The following MARCHF1 variants were observed in gnomAD, a reference collection of about 807,000 sequenced individuals.
MARCHF1 encodes E3 ubiquitin-protein ligase MARCHF1.
MARCHF1 carries 40 observed loss-of-function variants against 54.2 expected under a neutral mutation model. That is an observed-to-expected ratio of 0.74 (90% CI 0.57 to 0.96). The LOEUF is 0.96. Ranked by LOEUF, MARCHF1 falls within the 40% of genes least tolerant of loss-of-function variation. The pLI is 0.00. For missense variants in MARCHF1, 586 were observed against 656.5 expected (o/e 0.89, Z 1.17); for synonymous variants, 236 against 236.3 (o/e 1.00, Z 0.01).
intron 7 of MARCHF1, among the ~76,000 whole-genome samples, chr4:163,607,370 A>C (rs1741179263): frequency 6.6e-6 from 1 of 152,104 alleles, no homozygotes; most frequent in Non-Finnish European, 1.5e-5. Context: ...AAATGTCAGT[A>C]CTTTGTTGGA....
chr4:163,733,258 T>TATACATGTGTATATATACACACAC lies in MARCHF1; in HGVS notation c.112-32396_112-32395insGTGTGTGTATATATACACATGTAT, dbSNP rs1554008879. The stretch of plus-strand genomic sequence containing the variant: ...ATATATATACACGTGTATATATATA[T>TATACATGTGTATATATACACACAC]ACACACACACACACACACAGACACA... On this transcript the variant is annotated intron_variant, in intron 4 of 9. Coordinates refer to ENST00000514618, the MANE Select transcript of MARCHF1 (RefSeq NM_001394959.1). Among the ~76,000 whole-genome samples, 10 of 45,062 alleles carry TATACATGTGTATATATACACACAC rather than the reference T, an allele frequency of 2.2e-4. 2 individuals carry two copies. The highest frequency in any genetic ancestry group is 5.3e-4 in the Non-Finnish European group (10 of 18,972). 29.6% of individuals were successfully genotyped at this position (45,062 alleles called of 152,430 possible).
intron 2 of MARCHF1, among the ~76,000 whole-genome samples, chr4:164,004,923 C>T (rs1227937178): frequency 6.6e-6 from 1 of 151,564 alleles, no homozygotes; most frequent in Non-Finnish European, 1.5e-5. Flanking sequence ...ATAATATTTA[C>T]TTTAAGCAGC....
intron 1 of MARCHF1, among the ~76,000 whole-genome samples, chr4:164,150,638 T>C (rs547148806): frequency 4.3e-4 from 66 of 152,102 alleles, no homozygotes; most frequent in Non-Finnish European, 9.0e-4. Context: ...TGACCAGGAG[T>C]AAACAAAGTG....
intron 1 of MARCHF1, among the ~76,000 whole-genome samples, chr4:164,376,233 G>T (rs1476707303): frequency 1.3e-5 from 2 of 152,164 alleles, no homozygotes. Context: ...TGACCTCACA[G>T]TTACTAGAAA....
intron 4 of MARCHF1, among the ~76,000 whole-genome samples, chr4:163,821,939 A>T (rs1748704054): frequency 6.6e-6 from 1 of 152,012 alleles, no homozygotes; most frequent in South Asian, 2.1e-4. Context: ...TTTCCTCTGT[A>T]ACGTCACCTA....
intron 2 of MARCHF1, among the ~76,000 whole-genome samples, chr4:164,007,329 G>C (rs1251624220): frequency 8.4e-6 from 1 of 118,794 alleles, no homozygotes; most frequent in Admixed American, 1.1e-4. Flanking sequence ...CTGGGCGACA[G>C]AGCGAGACTC....
At chr4:164,358,695 A>C (rs1730634418) in intron 1 of MARCHF1, among the ~76,000 whole-genome samples, 1 of 152,100 alleles carries the variant, frequency 6.6e-6, no homozygotes, top group Non-Finnish European at 1.5e-5. Context: ...TAAAATCATG[A>C]GGTTGTAATT....
At chr4:163,636,178 C>A (rs566758664) in intron 5 of MARCHF1, among the ~76,000 whole-genome samples, 1 of 152,230 alleles carries the variant, frequency 6.6e-6, no homozygotes, top group East Asian at 1.9e-4. Context: ...CGTTTGAAAA[C>A]CGGCACAAGA....
intron 1 of MARCHF1, among the ~76,000 whole-genome samples, chr4:164,142,208 C>A (rs1351299811): frequency 6.6e-6 from 1 of 152,172 alleles, no homozygotes; most frequent in Non-Finnish European, 1.5e-5. Context: ...GCACAGCAGT[C>A]TGAGATCAAA....
intron 2 of MARCHF1, among the ~76,000 whole-genome samples, chr4:164,057,028 C>T (rs1400487130): frequency 6.6e-6 from 1 of 152,086 alleles, no homozygotes; most frequent in Non-Finnish European, 1.5e-5. Context: ...TGTCACACCC[C>T]AGAAAGATAA....
At chr4:163,978,164 G>T (rs1752686187) in intron 3 of MARCHF1, among the ~76,000 whole-genome samples, 2 of 152,110 alleles carry the variant, frequency 1.3e-5, no homozygotes, top group South Asian at 4.1e-4. Flanking sequence ...AACAAACATG[G>T]TCTGTTTAAG....
In MARCHF1 at chr4:164,110,640, CCATT is replaced by C. The variant is rs377724424; in HGVS notation, c.-248+944_-248+947del. On this transcript the variant is annotated intron_variant, in intron 2 of 9. Transcript: ENST00000514618. ...CCTTTTTTTCATCTAGTCGATCCCT[CCATT>C]CATTTACTATGAGGCGATACAATCA... Among the ~76,000 whole-genome samples, 420 of 151,360 alleles carry C rather than the reference CCATT, an allele frequency of 2.8e-3. 10 individuals are homozygous for C. In the East Asian group the frequency reaches 0.028, roughly 10 times the overall value.
At position 164,136,662 on chromosome 4, in the gene MARCHF1, T is replaced by G. The variant is rs147539181; in HGVS notation, c.-322-25000A>C. Among the ~76,000 whole-genome samples, 902 of 152,252 alleles carry G rather than the reference T, an allele frequency of 5.9e-3. 9 individuals are homozygous for G. The highest frequency in any genetic ancestry group is 0.021 in the African/African-American group (864 of 41,548). On this transcript the variant is annotated intron_variant, in intron 1 of 9. Coordinates refer to ENST00000514618, the MANE Select transcript of MARCHF1 (RefSeq NM_001394959.1). ...CTTGGGACGCCTCAACCACGGAGCC[T>G]TTCAGCTGGCCCACCAGAGGCTGCA...
At position 164,188,275 on chromosome 4, in the gene MARCHF1, G is replaced by A; in HGVS notation, c.-322-76613C>T. The A allele has an allele frequency of 2.7e-5, 8 of 300,228 alleles. No individual in the cohort carries two copies. In the South Asian group the frequency reaches 3.1e-4, roughly 12 times the overall value. 18.6% of individuals were successfully genotyped at this position (300,228 alleles called of 1,614,324 possible). A position where few individuals can be genotyped will look rare whatever the true frequency, so the allele number is the denominator to read the frequency against. On this transcript the variant is annotated intron_variant, in intron 1 of 9. Coordinates refer to ENST00000514618, the MANE Select transcript of MARCHF1 (RefSeq NM_001394959.1). ...CACAGACAGACCGACCGACCGACTGGGGTGTTTCGCAATTGTGAGAGGCGG... is the reference window on the plus strand; with the variant it reads ...CACAGACAGACCGACCGACCGACTGAGGTGTTTCGCAATTGTGAGAGGCGG...
intron 3 of MARCHF1, among the ~76,000 whole-genome samples, chr4:163,940,253 A>C (rs927868441): frequency 2.6e-5 from 4 of 152,128 alleles, no homozygotes; most frequent in Non-Finnish European, 4.4e-5. Flanking sequence ...CTATTATATA[A>C]TGGCAGTTTG....
chr4:164,312,359 A>G (rs1464764302), intron 1 of MARCHF1, among the ~76,000 whole-genome samples: 8 of 114,754 alleles, frequency 7.0e-5, no homozygotes, highest in African/African-American at 2.4e-4. Context: ...GTCTGGCTCT[A>G]TCGCCCAGGC....
At chr4:163,796,222 T>TTG (rs34708415) in intron 4 of MARCHF1, among the ~76,000 whole-genome samples, 1,599 of 20,088 alleles carry the variant, frequency 0.08, 61 homozygotes, top group South Asian at 0.18. Flanking sequence ...AAACTTCTAG[T>TTG]TTTTTTTTTT....
chr4:164,200,509 A>G (rs989201370), intron 1 of MARCHF1, among the ~76,000 whole-genome samples: 2 of 152,216 alleles, frequency 1.3e-5, no homozygotes, highest in Admixed American at 6.5e-5. Flanking sequence ...GTACAGTCCT[A>G]TAAAATATGT....
At position 163,678,742 on chromosome 4, in the gene MARCHF1, T is replaced by C. The variant is rs1743997802; in HGVS notation, c.162+22071A>G. On this transcript the variant is annotated intron_variant, in intron 5 of 9. Coordinates refer to ENST00000514618, the MANE Select transcript of MARCHF1 (RefSeq NM_001394959.1). ...GGAATACCTTGTATTTTTCTACATT[T>C]TCTTTCTCAGTATTGGATTCTTGGA... Among the ~76,000 whole-genome samples the C allele has an allele frequency of 2.6e-5, 4 of 152,326 alleles. No individual in the cohort carries two copies. The South Asian group carries it at 8.3e-4, about 32-fold the overall frequency.
Sources: allele counts gnomAD v4.1 joint callset (sites outside exome capture counted in the v4.1 genomes callset), GRCh38; gene constraint gnomAD v4.1.1; transcripts MANE v1.5; gene names NCBI Gene and HGNC (gene_info 2026-07-23, HGNC 2026-07-21).